Variants in RNF6 observed in about 807,000 individuals in gnomAD.
RNF6 encodes ring finger protein 6.
RNF6 carries 21 observed loss-of-function variants against 50.1 expected under a neutral mutation model. The observed-to-expected ratio is 0.42, with a 90% CI of 0.30 to 0.60. The LOEUF is 0.60. Among genes scored for constraint, RNF6 ranks in the 20% least tolerant of loss-of-function variants. The pLI is 0.20. For synonymous variants in RNF6, 255 were observed against 291.8 expected (o/e 0.87, Z 1.29); for missense variants, 698 against 838.2 (o/e 0.83, Z 2.07).
At chr13:26,143,864 G>A (rs1871090856) in intron 5 of RNF6, among the ~76,000 whole-genome samples, 1 of 152,176 alleles carries the variant, frequency 6.6e-6, no homozygotes, top group Non-Finnish European at 1.5e-5. Flanking sequence ...TCCTTGGTTA[G>A]AATCAATGTT....
At chr13:26,160,283 T>C (rs2137606887) in intron 5 of RNF6, among the ~76,000 whole-genome samples, 2 of 152,302 alleles carry the variant, frequency 1.3e-5, no homozygotes, top group East Asian at 3.9e-4. Flanking sequence ...GTCAAACTTT[T>C]TAACTTAACC....
chr13:26,164,846 T>C (rs146740841), intron 5 of RNF6, among the ~76,000 whole-genome samples: 172 of 152,296 alleles, frequency 1.1e-3, no homozygotes, highest in African/African-American at 3.9e-3. Flanking sequence ...TTCAGTTTTA[T>C]AACAGAAGCA....
At chr13:26,155,509 A>G (rs1424821846) in intron 5 of RNF6, among the ~76,000 whole-genome samples, 1 of 152,190 alleles carries the variant, frequency 6.6e-6, no homozygotes, top group Non-Finnish European at 1.5e-5. Flanking sequence ...TGAATTCTAC[A>G]ACATCATATG....
At chr13:26,153,463 C>A (rs1317679392) in intron 5 of RNF6, among the ~76,000 whole-genome samples, 1 of 152,100 alleles carries the variant, frequency 6.6e-6, no homozygotes, top group Non-Finnish European at 1.5e-5. Context: ...CCACCCACCT[C>A]GGCCTCCCAA....
intron 5 of RNF6, among the ~76,000 whole-genome samples, chr13:26,175,434 C>T (rs1174977749): frequency 1.3e-5 from 2 of 152,142 alleles, no homozygotes; most frequent in Admixed American, 1.3e-4. Context: ...CTTTCCTCTC[C>T]AGCCCCCATG....
chr13:26,157,315 A>C (rs4769474), intron 5 of RNF6, among the ~76,000 whole-genome samples: 1 of 151,892 alleles, frequency 6.6e-6, no homozygotes, highest in African/African-American at 2.4e-5. Context: ...AAGAAAATGT[A>C]GATAATTATT....
At chr13:26,170,905 A>G (rs369081579) in intron 5 of RNF6, among the ~76,000 whole-genome samples, 2 of 152,158 alleles carry the variant, frequency 1.3e-5, no homozygotes, top group East Asian at 3.8e-4. Context: ...CATCTACAAA[A>G]AATAACTCAT....
chr13:26,213,663 A>C lies in RNF6; in HGVS notation c.*161T>G. ...ACATTTGTATTTTAAATTTTATATA[A>C]ATTTCTTTTTAACAAGTTTAAAAAA... On this transcript the variant is annotated 3_prime_UTR_variant, in exon 5 of 5. Transcript: ENST00000381588. 2.1e-6 allele frequency: 1 copy of C among 472,812 alleles called. No homozygotes were observed. The highest frequency in any genetic ancestry group is 3.3e-5 in the East Asian group (1 of 30,226). 29.3% of individuals were successfully genotyped at this position (472,812 alleles called of 1,614,324 possible).
intron 5 of RNF6, among the ~76,000 whole-genome samples, chr13:26,183,892 A>ACT (rs2137664347): frequency 8.4e-5 from 1 of 11,880 alleles, no homozygotes; most frequent in African/African-American, 2.4e-4. Flanking sequence ...AGGTTTTTTT[A>ACT]TACTTATTTA....
At chr13:26,172,353 G>T (rs927053630) in intron 5 of RNF6, among the ~76,000 whole-genome samples, 4 of 152,050 alleles carry the variant, frequency 2.6e-5, no homozygotes, top group African/African-American at 9.7e-5. Context: ...AATAGGAAAA[G>T]CAAAACTTTA....
downstream of RNF6, among the ~76,000 whole-genome samples, chr13:26,211,102 A>G (rs1444391987): frequency 1.3e-5 from 2 of 152,252 alleles, no homozygotes; most frequent in Non-Finnish European, 1.5e-5. Context: ...GAAGCTATAA[A>G]TAGATTAATG....
At chr13:26,147,427 G>A (rs1264869554) in intron 5 of RNF6, among the ~76,000 whole-genome samples, 1 of 152,218 alleles carries the variant, frequency 6.6e-6, no homozygotes, top group African/African-American at 2.4e-5. Context: ...TCAGATTCAG[G>A]TGGGAAGGCA....
upstream of RNF6, chr13:26,222,383 A>T (rs1285174674): frequency 3.3e-5 from 5 of 152,280 alleles, no homozygotes; most frequent in African/African-American, 1.2e-4. Context: ...CCGCCCTTAC[A>T]GTGCCTCCTC....
In RNF6 at chr13:26,214,958, A is replaced by G. The variant is rs1869699902; in HGVS notation, c.924T>C (p.Asn308=). The G allele has an allele frequency of 6.2e-7, 1 of 1,614,190 alleles. No individual in the cohort carries two copies. Among genetic ancestry groups the G allele is most frequent in the Non-Finnish European group, 8.5e-7 (1 of 1,180,036 alleles). ...TCTGAATTGGTGAACGGCTTCGACTATTGGAAGTAGATCGTAATCTTATTG... is the reference window on the plus strand; with the variant it reads ...TCTGAATTGGTGAACGGCTTCGACTGTTGGAAGTAGATCGTAATCTTATTG... ...LEPIRLRSTS[N]SRSRSPIQRQ... is the part of the protein sequence containing the mutation. Residue 308 remains asparagine (N), a synonymous_variant, in exon 5 of 5, where the codon AAT becomes AAC. Coordinates refer to ENST00000381588, the MANE Select transcript of RNF6 (RefSeq NM_005977.4).
At chr13:26,210,956 G>T (rs1208538005), downstream of RNF6, among the ~76,000 whole-genome samples, 4 of 152,228 alleles carry the variant, frequency 2.6e-5, no homozygotes, top group Non-Finnish European at 5.9e-5. Flanking sequence ...TCTAGAAATA[G>T]AAGTTTGCCA....
intron 5 of RNF6, among the ~76,000 whole-genome samples, chr13:26,141,776 T>C (rs980877517): frequency 1.3e-5 from 2 of 152,024 alleles, no homozygotes; most frequent in African/African-American, 4.8e-5. Flanking sequence ...ACTATAAAAA[T>C]TCTAAAAGAA....
chr13:26,166,844 C>A (rs1236619945), intron 5 of RNF6, among the ~76,000 whole-genome samples: 1 of 152,268 alleles, frequency 6.6e-6, no homozygotes, highest in African/African-American at 2.4e-5. Context: ...CACTTGAAAC[C>A]AGGAGGCAGA....
chr13:26,214,120 G>C lies in RNF6; in HGVS notation c.1762C>G (p.Leu588Val). The change falls in exon 5 of 5, where the codon CTT (leucine) becomes GTT (valine). Residue 588 changes from leucine (L) to valine (V), a missense_variant. Leu to Val is a conservative substitution (Grantham distance 32). Transcript: ENST00000381588. ...TCATTTAGTAAAAAAAAGTGAGCAAGGCGAAGAATGGGTAGTGTTCCAGTT... is the reference window on the plus strand; with the variant it reads ...TCATTTAGTAAAAAAAAGTGAGCAACGCGAAGAATGGGTAGTGTTCCAGTT... ...VETGTLPILR[L>V]AHFFLLNESD... is the part of the protein sequence containing the mutation. The C allele has an allele frequency of 6.2e-7, 1 of 1,614,206 alleles. No homozygotes were observed. The highest frequency in any genetic ancestry group is 8.5e-7 in the Non-Finnish European group (1 of 1,180,048).
chr13:26,136,818 A>G (rs73482830), intron 5 of RNF6, among the ~76,000 whole-genome samples: 1,534 of 152,266 alleles, frequency 0.01, 27 homozygotes, highest in African/African-American at 0.035. Flanking sequence ...CCTCTATAAA[A>G]AACACAATGA....
Sources: allele counts gnomAD v4.1 joint callset (sites outside exome capture counted in the v4.1 genomes callset), GRCh38; gene constraint gnomAD v4.1.1; transcripts MANE v1.5; gene names NCBI Gene and HGNC (gene_info 2026-07-23, HGNC 2026-07-21).